Variants in KIF26A observed in about 807,000 individuals in gnomAD.
The protein encoded by KIF26A is kinesin family member 26A, also known as kinesin-like protein KIF26A.
In KIF26A, 74 loss-of-function variants were observed where a neutral mutation model predicts 126.0. The ratio of observed to expected loss-of-function variants is 0.59; its 90% CI spans 0.49 to 0.71. The LOEUF (loss-of-function observed/expected upper bound fraction) is 0.71. Among genes scored for constraint, KIF26A ranks in the 30% least tolerant of loss-of-function variants. The pLI, the probability that KIF26A is intolerant of heterozygous loss-of-function variation, is 0.00. For synonymous variants in KIF26A, 1,445 were observed against 1,232.7 expected (o/e 1.17, Z -3.61); for missense variants, 2,984 against 2,763.3 (o/e 1.08, Z -1.79).
In KIF26A at chr14:104,179,398, C is replaced by T; in HGVS notation, c.5467+12C>T. The T allele has an allele frequency of 1.3e-6, 2 of 1,494,644 alleles. No homozygotes were observed. The highest frequency in any genetic ancestry group is 1.8e-6 in the Non-Finnish European group (2 of 1,126,588). 92.6% of individuals were successfully genotyped at this position (1,494,644 alleles called of 1,614,324 possible). On this transcript the variant is annotated intron_variant, in intron 14 of 14. Transcript: ENST00000423312. ...CTGGCTGGAGCAGTGTGAGTCCCGC[C>T]CGCCCACGGACCCAGCCCGGCCCAC...
Position 104,152,507 on chromosome 14 carries a change from G to C in KIF26A, c.735+46G>C. On this transcript the variant is annotated intron_variant, in intron 3 of 14. Transcript: ENST00000423312. This position sits in a 1 kb window ranked among gnomAD's most constrained non-coding sequence, Gnocchi z 5.9. ...ATGGGAGCTGCTGGCCTCCTTGTCA[G>C]AACTGGGCTTCCTTCGGGGGTCTCT... 1 of 1,488,854 alleles carries C rather than the reference G, an allele frequency of 6.7e-7. No individual in the cohort carries two copies. The highest frequency in any genetic ancestry group is 8.9e-7 in the Non-Finnish European group (1 of 1,119,252). The allele number at this position is 1,488,854 out of a possible 1,614,324, so 92.2% of individuals were successfully genotyped here.
Position 104,174,319 on chromosome 14 carries a change from C to A in KIF26A, c.2193+9C>A. On this transcript the variant is annotated intron_variant, in intron 11 of 14. Coordinates refer to ENST00000423312, the MANE Select transcript of KIF26A (RefSeq NM_015656.2). Reference sequence around the variant, plus strand: ...GCAGGAAGAAGGCCAAGGTGCTCCCCACCTCCTGCCCGCCCCATCTCGGGG... The same window carrying A: ...GCAGGAAGAAGGCCAAGGTGCTCCCAACCTCCTGCCCGCCCCATCTCGGGG... 1 of 1,521,316 alleles carries A rather than the reference C, an allele frequency of 6.6e-7. No homozygotes were observed. The highest frequency in any genetic ancestry group is 8.8e-7 in the Non-Finnish European group (1 of 1,130,150). 94.2% of individuals were successfully genotyped at this position (1,521,316 alleles called of 1,614,324 possible). A position where few individuals can be genotyped will look rare whatever the true frequency, so the allele number is the denominator to read the frequency against.
chr14:104,175,702 G>A lies in KIF26A; in HGVS notation c.2914G>A (p.Gly972Ser), dbSNP rs2038014814. The A allele has an allele frequency of 6.3e-7, 1 of 1,597,716 alleles. No individual in the cohort carries two copies. The highest frequency in any genetic ancestry group is 8.5e-7 in the Non-Finnish European group (1 of 1,173,534). ...AGCCCCAGAAGAGCCTGGGGGAGGG[G>A]GCACTGATGGAGTGGCACGGACCCC... ...CRAPEEPGGG[G>S]TDGVARTPPV... The change falls in exon 12 of 15, where the codon GGC (glycine) becomes AGC (serine). Residue 972 changes from glycine (G) to serine (S), a missense_variant. Transcript: ENST00000423312.
chr14:104,150,167 C>CT (rs2037714146), intron 2 of KIF26A, among the ~76,000 whole-genome samples: 1 of 78,126 alleles, frequency 1.3e-5, no homozygotes, highest in Non-Finnish European at 3.1e-5. Flanking sequence ...CTCCCCCTTC[C>CT]CCTTCTCCTC....
chr14:104,178,038 G>A, intron 12 of KIF26A, 140 bp downstream of exon 12: 20 of 1,024,936 alleles, frequency 2.0e-5, no homozygotes, highest in Non-Finnish European at 2.7e-5. Flanking sequence ...CACAGCCGTG[G>A]ACGGTTTACA....
At chr14:104,149,845 G>C (rs974587615) in intron 2 of KIF26A, among the ~76,000 whole-genome samples, 1 of 152,222 alleles carries the variant, frequency 6.6e-6, no homozygotes, top group South Asian at 2.1e-4. Context: ...GGAGGCTCCA[G>C]AACGGCGAGC....
At position 104,139,245 on chromosome 14, in the gene KIF26A, G is replaced by C. The variant is rs2037613615; in HGVS notation, c.245G>C (p.Arg82Pro). 2 of 1,553,534 alleles carry C rather than the reference G, an allele frequency of 1.3e-6. No homozygotes were observed. The highest frequency in any genetic ancestry group is 4.8e-5 in the East Asian group (2 of 41,242). The change falls in exon 2 of 15, where the codon CGA becomes CCA. Residue 82 changes from arginine to proline, a missense_variant. Physicochemically the swap from Arg to Pro is moderately radical, Grantham distance 103. Coordinates refer to ENST00000423312, the MANE Select transcript of KIF26A (RefSeq NM_015656.2). ...HCHTKLVELK[R>P]QAWKLVSGPG... ...CACACGAAGCTGGTGGAGCTCAAGC[G>C]ACAGGCGTGGAAGCTGGTCAGCGGG... is the stretch of plus-strand genomic sequence containing the variant.
At chr14:104,168,502 C>G (rs1252890958) in intron 5 of KIF26A, among the ~76,000 whole-genome samples, 1 of 152,144 alleles carries the variant, frequency 6.6e-6, no homozygotes, top group South Asian at 2.1e-4. Flanking sequence ...ACAGCTCTTA[C>G]CATCTTCATA....
intron 2 of KIF26A, among the ~76,000 whole-genome samples, chr14:104,149,812 G>A (rs2037710204): frequency 6.6e-6 from 1 of 152,204 alleles, no homozygotes; most frequent in African/African-American, 2.4e-5. Context: ...TCGCTGGACG[G>A]GCAGAGGCTG....
rs369367256 is a variant in KIF26A at position 104,177,420 on chromosome 14, C to T, written c.4632C>T (p.Val1544=). The T allele has an allele frequency of 6.4e-4, 960 of 1,508,044 alleles. 3 individuals carry two copies. In the African/African-American group the frequency reaches 0.011, roughly 17 times the overall value. The allele number at this position is 1,508,044 out of a possible 1,614,324, so 93.4% of individuals were successfully genotyped here. A position where few individuals can be genotyped will look rare whatever the true frequency, so the allele number is the denominator to read the frequency against. Residue 1544 remains valine, a synonymous_variant, in exon 12 of 15, where the codon GTC becomes GTT. Transcript: ENST00000423312. ...PRAAPRAGPS[V]GAKAGRGTVM... is the part of the protein sequence containing the mutation. ...CAGCCCCACGGGCCGGGCCCAGTGTCGGGGCGAAGGCTGGCCGGGGTACCG... is the reference window on the plus strand; with the variant it reads ...CAGCCCCACGGGCCGGGCCCAGTGTTGGGGCGAAGGCTGGCCGGGGTACCG...
intron 4 of KIF26A, among the ~76,000 whole-genome samples, chr14:104,165,321 GCATGTGTGCGTCTGTGTGTCTGTAT>G (rs1440687225): frequency 8.1e-5 from 12 of 148,750 alleles, no homozygotes; most frequent in African/African-American, 2.3e-4. Context: ...GTGTCTCTAT[GCATGTGTGCGTCTGTGTGTCTGTAT>G]CATGTGTGCG....
Position 104,176,896 on chromosome 14 carries a change from A to C in KIF26A, c.4108A>C (p.Ser1370Arg). 1 of 1,538,406 alleles carries C rather than the reference A, an allele frequency of 6.5e-7. No homozygotes were observed. The highest frequency in any genetic ancestry group is 8.7e-7 in the Non-Finnish European group (1 of 1,144,918). ...APPAPPTRKS[S>R]LEQRSSPASA... ...CCCGGCCCCACCCACGCGGAAGTCC[A>C]GCCTGGAGCAGAGGAGCAGCCCGGC... The change falls in exon 12 of 15, where the codon AGC becomes CGC. Residue 1370 changes from serine (S) to arginine (R), a missense_variant. By Grantham distance (110) the Ser-to-Arg change is moderately radical (BLOSUM62 -1). Transcript: ENST00000423312.
In KIF26A at chr14:104,177,281, G is replaced by C. The variant is rs371667566; in HGVS notation, c.4493G>C (p.Gly1498Ala). 1 of 1,589,026 alleles carries C rather than the reference G, an allele frequency of 6.3e-7. No individual in the cohort carries two copies. The highest frequency in any genetic ancestry group is 1.3e-5 in the African/African-American group (1 of 74,548). Residue 1498 changes from glycine to alanine, a missense_variant, in exon 12 of 15, where the codon GGC (glycine) becomes GCC (alanine). Coordinates refer to ENST00000423312, the MANE Select transcript of KIF26A (RefSeq NM_015656.2). ...VGAPKPPVGG[G>A]KGRGLVAGGS... is the part of the protein sequence containing the mutation. ...GCCCCCAAGCCCCCTGTTGGTGGAG[G>C]CAAGGGCCGTGGCCTAGTGGCTGGT...
rs978948232 is a variant in KIF26A, at chr14:104,148,614, A to C, written c.289-3401A>C. Among the ~76,000 whole-genome samples the C allele has an allele frequency of 2.9e-5, 4 of 136,580 alleles. No individual in the cohort carries two copies. Among genetic ancestry groups the C allele is most frequent in the Non-Finnish European group, 4.7e-5 (3 of 63,682 alleles). 89.6% of individuals were successfully genotyped at this position (136,580 alleles called of 152,430 possible). The stretch of plus-strand genomic sequence containing the variant: ...AGGTTGGAAGGTGCAGGAAGTGGCC[A>C]CAGAGCAGGATTTGTTGTTGTTGGC... On this transcript the variant is annotated intron_variant, in intron 2 of 14. Transcript: ENST00000423312. The surrounding 1 kb of genome is among the most constrained non-coding windows in gnomAD (Gnocchi z 4.3).
chr14:104,145,717 T>C lies in KIF26A; in HGVS notation c.289-6298T>C, dbSNP rs1156534242. On this transcript the variant is annotated intron_variant, in intron 2 of 14. Coordinates refer to ENST00000423312, the MANE Select transcript of KIF26A (RefSeq NM_015656.2). ...CCAGCTCATAGCTTCGGTTCACGGC[T>C]GTAGCCCGGCTCTGCCCTCAAAACC... 3.9e-5 allele frequency among the ~76,000 whole-genome samples: 6 copies of C among 152,194 alleles called. No individual in the cohort carries two copies. The East Asian group carries it at 7.7e-4, about 20-fold the overall frequency.
intron 4 of KIF26A, among the ~76,000 whole-genome samples, chr14:104,165,890 G>A (rs763545398): frequency 6.8e-6 from 1 of 146,884 alleles, no homozygotes; most frequent in African/African-American, 2.4e-5. Flanking sequence ...AGGTCCCCTG[G>A]GAGTCCACCC....
At chr14:104,146,891 G>C (rs993708836) in intron 2 of KIF26A, among the ~76,000 whole-genome samples, 3 of 152,164 alleles carry the variant, frequency 2.0e-5, no homozygotes, top group Non-Finnish European at 4.4e-5. Context: ...GAGTGGAGCT[G>C]TGCTCCAGCC....
In KIF26A at chr14:104,175,203, C is replaced by T. The variant is rs1440806017; in HGVS notation, c.2415C>T (p.Leu805=). The change falls in exon 12 of 15, where the codon CTC becomes CTT. Residue 805 remains leucine (L), a synonymous_variant. Coordinates refer to ENST00000423312, the MANE Select transcript of KIF26A (RefSeq NM_015656.2). ...GGGCGGCGCTGTCAGACCGGGAGCT[C>T]ACCGACAACGAAGGTCCGCCTGACT... ...PGGAALSDRE[L]TDNEGPPDFV... 1.5e-5 allele frequency: 24 copies of T among 1,609,628 alleles called. No individual in the cohort carries two copies. Among genetic ancestry groups the T allele is most frequent in the Non-Finnish European group, 2.0e-5 (24 of 1,179,126 alleles).
chr14:104,167,284 G>A (rs949962128), intron 5 of KIF26A, among the ~76,000 whole-genome samples: 1 of 152,080 alleles, frequency 6.6e-6, no homozygotes, highest in Non-Finnish European at 1.5e-5. Context: ...GGTCCCAGGG[G>A]CATGTACTAG....
Sources: gnomAD v4.1 joint callset for allele counts (sites outside exome capture counted in the v4.1 genomes callset) on GRCh38, gnomAD v4.1.1 for gene constraint, Gnocchi (gnomAD v3.1) non-coding constraint, MANE v1.5 for transcripts, NCBI Gene and HGNC (gene_info 2026-07-23, HGNC 2026-07-21) for gene names.